The following TOGARAM2 variants were observed in gnomAD, a reference collection of about 807,000 sequenced individuals.
TOGARAM2 encodes TOG array regulator of axonemal microtubules 2, also known as TOG array regulator of axonemal microtubules protein 2.
In TOGARAM2, 85 loss-of-function variants were observed where a neutral mutation model predicts 93.3. The observed-to-expected ratio is 0.91, with a 90% CI of 0.76 to 1.09. TOGARAM2 has a LOEUF of 1.09. Among genes scored for constraint, TOGARAM2 ranks in the 50% least tolerant of loss-of-function variants. The probability of loss-of-function intolerance (pLI) is 0.00; values close to 1 mark genes in which losing one functional copy is unlikely to be tolerated. For missense variants in TOGARAM2, 1,277 were observed against 1,334.5 expected (o/e 0.96, Z 0.67); for synonymous variants, 593 against 552.8 (o/e 1.07, Z -1.02).
Position 29,033,486 on chromosome 2 carries a change from T to A in TOGARAM2, c.2148T>A (p.Asp716Glu). 6.2e-7 allele frequency: 1 copy of A among 1,613,486 alleles called. No homozygotes were observed. Residue 716 changes from aspartate (D) to glutamate (E), a missense_variant, in exon 16 of 20, where the codon GAT (aspartate) becomes GAA (glutamate). By Grantham distance (45) the Asp-to-Glu change is conservative. Coordinates refer to ENST00000379558, the MANE Select transcript of TOGARAM2 (RefSeq NM_199280.4). ...AIKQQGIEDN[D>E]ELPSAKGRKV... ...TTTTCAAGGGAATAGAAGATAATGA[T>A]GAACTTCCCTCTGCCAAAGGCCGCA...
chr2:28,999,465 C>T lies in TOGARAM2; in HGVS notation c.424C>T (p.Arg142Ter), dbSNP rs779069224. 7.5e-6 allele frequency: 12 copies of T among 1,601,040 alleles called. No individual in the cohort carries two copies. The Admixed American group carries it at 8.5e-5, about 11-fold the overall frequency. Residue 142 changes from arginine to a stop codon, truncating the protein, a stop_gained, in exon 4 of 20, where the codon CGA becomes TGA. Transcript: ENST00000379558. LOFTEE classifies it high-confidence loss of function. Reference protein sequence around the residue: ...RLSEGLAASSRASLDPGGGPQ... With the variant: ...RLSEGLAASS ...CTCAGAGGGCTTGGCAGCGTCTTCC[C>T]GAGGTGAGCACTGGCCCCTGCCCAC...
At chr2:28,990,543 G>C (rs531721832) in intron 1 of TOGARAM2, among the ~76,000 whole-genome samples, 4 of 152,192 alleles carry the variant, frequency 2.6e-5, no homozygotes, top group African/African-American at 9.7e-5. Context: ...GCCTTAGGCC[G>C]CCTCCTCGGC....
chr2:28,980,172 C>T (rs1003541830), upstream of TOGARAM2, among the ~76,000 whole-genome samples: 2 of 152,192 alleles, frequency 1.3e-5, no homozygotes, highest in Admixed American at 6.5e-5. Flanking sequence ...TGACCTCTGG[C>T]TTGGGGCCAG....
intron 6 of TOGARAM2, 104 bp from the exon 7 acceptor site, chr2:29,011,351 C>A: frequency 1.1e-6 from 1 of 939,006 alleles, no homozygotes; most frequent in Non-Finnish European, 1.6e-6. Context: ...CCCTCTGTCC[C>A]CCATCTCGGC....
At position 29,035,666 on chromosome 2, in the gene TOGARAM2, G is replaced by T. The variant is rs746809993; in HGVS notation, c.2418+10G>T. On this transcript the variant is annotated intron_variant, in intron 17 of 19. Transcript: ENST00000379558. ...TGCCCACCTGGTCCAGGTGAGCACCGCTTGCTTTTACTCTCCCACCTGTCT... is the reference window on the plus strand; with the variant it reads ...TGCCCACCTGGTCCAGGTGAGCACCTCTTGCTTTTACTCTCCCACCTGTCT... 2.1e-6 allele frequency: 3 copies of T among 1,403,952 alleles called. No homozygotes were observed. The highest frequency in any genetic ancestry group is 1.8e-5 in the South Asian group (1 of 55,686). The allele number at this position is 1,403,952 out of a possible 1,614,324, so 87.0% of individuals were successfully genotyped here.
chr2:29,011,391 TC>T, intron 6 of TOGARAM2, 63 bp from the exon 7 acceptor site: 1 of 1,533,668 alleles, frequency 6.5e-7, no homozygotes, highest in Non-Finnish European at 9.0e-7. Flanking sequence ...CACCCTGGGC[TC>T]CCCCAGCAGT....
intron 10 of TOGARAM2, among the ~76,000 whole-genome samples, chr2:29,020,220 T>TGTTACAGATTGGGAACTGATGTGG (rs1451321736): frequency 0.055 from 8,294 of 151,938 alleles, 744 homozygotes; most frequent in African/African-American, 0.18. Context: ...AGATGTGGGT[T>TGTTACAGATTGGGAACTGATGTGG]GTTACAGATT....
intron 1 of TOGARAM2, among the ~76,000 whole-genome samples, chr2:28,975,356 G>A (rs753777007): frequency 1.3e-5 from 2 of 151,644 alleles, no homozygotes; most frequent in African/African-American, 2.4e-5. Flanking sequence ...GCCCGGCTAT[G>A]TTTTTGTGTT....
chr2:28,983,170 A>G (rs1346733953), intron 1 of TOGARAM2, among the ~76,000 whole-genome samples: 2 of 50,842 alleles, frequency 3.9e-5, no homozygotes, highest in African/African-American at 1.4e-4. Flanking sequence ...GTGTGTGTGT[A>G]TATATAAATA....
intron 1 of TOGARAM2, among the ~76,000 whole-genome samples, chr2:28,993,591 G>A (rs1245351051): frequency 6.6e-6 from 1 of 152,210 alleles, no homozygotes; most frequent in East Asian, 1.9e-4. Context: ...ATTAAACAGA[G>A]AGTTCCCCTC....
chr2:29,001,166 C>G (rs1053278400), intron 4 of TOGARAM2, among the ~76,000 whole-genome samples: 1 of 152,004 alleles, frequency 6.6e-6, no homozygotes, highest in Admixed American at 6.6e-5. Context: ...CAAGGTGGCC[C>G]GGCAAGTGGC....
intron 6 of TOGARAM2, among the ~76,000 whole-genome samples, chr2:29,008,238 C>T (rs537070850): frequency 5.3e-5 from 8 of 151,794 alleles, no homozygotes; most frequent in African/African-American, 1.9e-4. Flanking sequence ...GCAACCTCTG[C>T]CTCCTGGGTT....
rs1291790724 is a variant in TOGARAM2 at position 29,014,489 on chromosome 2, C to A, written c.972C>A (p.Ala324=). The A allele has an allele frequency of 1.3e-6, 2 of 1,590,250 alleles. No individual in the cohort carries two copies. Among genetic ancestry groups the A allele is most frequent in the Non-Finnish European group, 1.7e-6 (2 of 1,168,620 alleles). ...PFSQSAPTLT[A]FSFDCAREAC... is the part of the protein sequence containing the mutation. The stretch of plus-strand genomic sequence containing the variant: ...CTCAGTCTGCTCCCACGCTGACAGC[C>A]TTCTCCTTTGACTGTGCCAGAGAAG... Residue 324 remains alanine, a synonymous_variant, in exon 8 of 20, where the codon GCC becomes GCA. Coordinates refer to ENST00000379558, the MANE Select transcript of TOGARAM2 (RefSeq NM_199280.4).
intron 4 of TOGARAM2, among the ~76,000 whole-genome samples, chr2:29,001,365 CAG>C (rs1558416306): frequency 2.0e-5 from 3 of 150,964 alleles, no homozygotes; most frequent in Non-Finnish European, 4.4e-5. Flanking sequence ...TTTTCTGGAA[CAG>C]AGTCTCGCTC....
At chr2:29,034,490 T>C (rs1665963556) in intron 16 of TOGARAM2, among the ~76,000 whole-genome samples, 1 of 152,254 alleles carries the variant, frequency 6.6e-6, no homozygotes, top group Non-Finnish European at 1.5e-5. Flanking sequence ...CTCACGGTTC[T>C]CAGTGCCCAG....
chr2:29,042,547 G>T (rs559977728), intron 18 of TOGARAM2, among the ~76,000 whole-genome samples: 27 of 152,310 alleles, frequency 1.8e-4, no homozygotes, highest in African/African-American at 3.1e-4. Context: ...GAACACTCGG[G>T]GGGGCTACAG....
chr2:29,033,110 G>A (rs963525476), intron 15 of TOGARAM2, 59 bp downstream of exon 15: 3 of 1,414,080 alleles, frequency 2.1e-6, no homozygotes, highest in Middle Eastern at 1.8e-4. Flanking sequence ...ACAGTGCTGA[G>A]CCTGGTAGCC....
chr2:28,976,449 A>G (rs1005503129), upstream of TOGARAM2, among the ~76,000 whole-genome samples: 1 of 152,190 alleles, frequency 6.6e-6, no homozygotes, highest in African/African-American at 2.4e-5. Flanking sequence ...TTACTCACCT[A>G]TTAACTCCTC....
intron 18 of TOGARAM2, among the ~76,000 whole-genome samples, chr2:29,041,185 C>T (rs984017845): frequency 4.6e-5 from 7 of 152,036 alleles, no homozygotes; most frequent in South Asian, 2.1e-4. Context: ...TCACCACACC[C>T]GGCCAATTTT....
Sources: allele counts gnomAD v4.1 joint callset (sites outside exome capture counted in the v4.1 genomes callset), GRCh38; gene constraint gnomAD v4.1.1; transcripts MANE v1.5; gene names NCBI Gene and HGNC (gene_info 2026-07-23, HGNC 2026-07-21).